EVA1A: variants seen among roughly 807,000 people sequenced by gnomAD.
EVA1A encodes protein eva-1 homolog A.
EVA1A carries 7 observed loss-of-function variants against 9.8 expected under a neutral mutation model. The ratio of observed to expected loss-of-function variants is 0.71; its 90% CI spans 0.41 to 1.34. EVA1A has a LOEUF of 1.34. EVA1A is among the 40% of genes most tolerant of loss of function. The probability of loss-of-function intolerance (pLI) is 0.01; values close to 1 mark genes in which losing one functional copy is unlikely to be tolerated. For synonymous variants in EVA1A, 90 were observed against 85.6 expected (o/e 1.05, Z -0.28); for missense variants, 206 against 205.9 (o/e 1.00, Z 0.00).
Position 75,552,285 on chromosome 2 carries a change from A to C in EVA1A, c.-192+8395T>G, listed in dbSNP as rs115916017. On this transcript the variant is annotated intron_variant, in intron 1 of 3. Coordinates refer to ENST00000393913, the MANE Select transcript of EVA1A (RefSeq NM_001135032.2). ...GCCCACTAGCCATCTCTCCCTAACT[A>C]TCTTAATATTTCAAACTCAACATAT... is the stretch of plus-strand genomic sequence containing the variant. Among the ~76,000 whole-genome samples the C allele has an allele frequency of 1.0e-3, 152 of 152,232 alleles. 2 individuals are homozygous for C. Among genetic ancestry groups the C allele is most frequent in the African/African-American group, 3.5e-3 (146 of 41,542 alleles).
chr2:75,523,323 C>A (rs1675297476), intron 1 of EVA1A, among the ~76,000 whole-genome samples: 1 of 152,202 alleles, frequency 6.6e-6, no homozygotes, highest in African/African-American at 2.4e-5. Context: ...TGTCTACAGA[C>A]TCATGTACCA....
intron 3 of EVA1A, among the ~76,000 whole-genome samples, chr2:75,497,140 G>A (rs544933881): frequency 6.6e-6 from 1 of 152,096 alleles, no homozygotes; most frequent in African/African-American, 2.4e-5. Flanking sequence ...AAGAATTTAT[G>A]ACCAAGTCTC....
At chr2:75,533,150 A>T (rs537425968) in intron 1 of EVA1A, among the ~76,000 whole-genome samples, 5 of 128,816 alleles carry the variant, frequency 3.9e-5, no homozygotes, top group Admixed American at 7.3e-5. Context: ...CCCTGTCTTT[A>T]AAAAAAAAAA....
chr2:75,555,286 T>C (rs1282920163), intron 1 of EVA1A, among the ~76,000 whole-genome samples: 4 of 146,918 alleles, frequency 2.7e-5, no homozygotes, highest in Non-Finnish European at 5.9e-5. Flanking sequence ...AAACAGACTT[T>C]AGCATCAAAA....
intron 3 of EVA1A, among the ~76,000 whole-genome samples, chr2:75,517,224 G>A (rs1675041701): frequency 1.3e-5 from 2 of 152,138 alleles, no homozygotes; most frequent in Admixed American, 6.6e-5. Context: ...AGACCACCAT[G>A]TGTCAACCCT....
intron 1 of EVA1A, among the ~76,000 whole-genome samples, chr2:75,550,204 C>T (rs757442920): frequency 1.3e-5 from 2 of 152,136 alleles, no homozygotes; most frequent in African/African-American, 2.4e-5. Flanking sequence ...GTGGTCAAAT[C>T]CTCTAGGGTC....
At position 75,512,995 on chromosome 2, in the gene EVA1A, C is replaced by A. The variant is rs191237619; in HGVS notation, c.85+5061G>T. 3.3e-5 allele frequency among the ~76,000 whole-genome samples: 5 copies of A among 152,252 alleles called. No individual in the cohort carries two copies. In the East Asian group the frequency reaches 9.6e-4, roughly 29 times the overall value. On this transcript the variant is annotated intron_variant, in intron 3 of 3. Coordinates refer to ENST00000393913, the MANE Select transcript of EVA1A (RefSeq NM_001135032.2). Reference sequence around the variant, plus strand: ...AAATGACCATGTGACACAGTCCTGGCCAATGAAATCTGAGAGGAGATCTAC... The same window carrying A: ...AAATGACCATGTGACACAGTCCTGGACAATGAAATCTGAGAGGAGATCTAC...
At chr2:75,561,639 C>T (rs1676925537), upstream of EVA1A, among the ~76,000 whole-genome samples, 1 of 151,986 alleles carries the variant, frequency 6.6e-6, no homozygotes, top group Admixed American at 6.6e-5. Context: ...AGAACAGGTC[C>T]CGGGTTGCGG....
At chr2:75,566,963 C>T (rs1315608772) in intron 1 of EVA1A, among the ~76,000 whole-genome samples, 1 of 152,040 alleles carries the variant, frequency 6.6e-6, no homozygotes, top group Non-Finnish European at 1.5e-5. Context: ...ACAAATCATC[C>T]ATACACAACA....
rs1218302073 is a variant in EVA1A at position 75,560,875 on chromosome 2, C to A, written c.-387G>T. ...CAGGGCTGGCCTGGGGATGTGGGGT[C>A]CCGGCCTGGGTGCTCACGGACGGCG... On this transcript the variant is annotated 5_prime_UTR_variant, in exon 1 of 4. Coordinates refer to ENST00000393913, the MANE Select transcript of EVA1A (RefSeq NM_001135032.2). 1 of 153,010 alleles carries A rather than the reference C, an allele frequency of 6.5e-6. No homozygotes were observed. Among genetic ancestry groups the A allele is most frequent in the African/African-American group, 2.4e-5 (1 of 41,458 alleles). 9.5% of individuals were successfully genotyped at this position (153,010 alleles called of 1,614,324 possible). A position where few individuals can be genotyped will look rare whatever the true frequency, so the allele number is the denominator to read the frequency against.
chr2:75,536,199 AT>A (rs1675889489), intron 1 of EVA1A, among the ~76,000 whole-genome samples: 1 of 152,064 alleles, frequency 6.6e-6, no homozygotes, highest in East Asian at 1.9e-4. Context: ...TTAGCCAGGC[AT>A]GGTGCACATC....
intron 1 of EVA1A, among the ~76,000 whole-genome samples, chr2:75,535,912 T>C (rs1191060685): frequency 7.9e-5 from 12 of 152,134 alleles, no homozygotes; most frequent in Admixed American, 7.2e-4. Context: ...AAAATACTTG[T>C]ACCTCTAAAG....
rs113935882 is a variant in EVA1A at position 75,493,046 on chromosome 2, T to C, written c.*190A>G. ...GACCTGGAAAGGGTGATGAACTGCT[T>C]TGATTTTTCTACTTCTCCATACATT... On this transcript the variant is annotated 3_prime_UTR_variant, in exon 4 of 4. Coordinates refer to ENST00000393913, the MANE Select transcript of EVA1A (RefSeq NM_001135032.2). The C allele has an allele frequency of 2.0e-4, 159 of 782,304 alleles. No homozygotes were observed. In the African/African-American group the frequency reaches 2.5e-3, roughly 12 times the overall value. 48.5% of individuals were successfully genotyped at this position (782,304 alleles called of 1,614,324 possible). A position where few individuals can be genotyped will look rare whatever the true frequency, so the allele number is the denominator to read the frequency against.
chr2:75,553,218 T>A (rs1676585517), intron 1 of EVA1A, among the ~76,000 whole-genome samples: 1 of 152,330 alleles, frequency 6.6e-6, no homozygotes, highest in East Asian at 1.9e-4. Context: ...ATGCATGTTG[T>A]CTTGGACTCA....
chr2:75,497,588 A>G (rs1397728175), intron 3 of EVA1A, among the ~76,000 whole-genome samples: 1 of 152,086 alleles, frequency 6.6e-6, no homozygotes, highest in East Asian at 1.9e-4. Flanking sequence ...GGTAGCTCAC[A>G]CTTATAATCT....
chr2:75,538,492 G>C (rs1230809893), intron 1 of EVA1A, among the ~76,000 whole-genome samples: 1 of 152,240 alleles, frequency 6.6e-6, no homozygotes, highest in Non-Finnish European at 1.5e-5. Flanking sequence ...ATGACAGCAT[G>C]TTGTATAAAT....
intron 3 of EVA1A, among the ~76,000 whole-genome samples, chr2:75,498,874 G>A (rs1674309815): frequency 1.3e-5 from 2 of 151,410 alleles, no homozygotes; most frequent in South Asian, 4.2e-4. Context: ...TACGCCAGAT[G>A]CTATGGGATC....
At chr2:75,524,955 A>G (rs1675370146) in intron 1 of EVA1A, among the ~76,000 whole-genome samples, 1 of 152,188 alleles carries the variant, frequency 6.6e-6, no homozygotes, top group Non-Finnish European at 1.5e-5. Flanking sequence ...ATATGTATAT[A>G]GAGTGATTAC....
chr2:75,540,709 ACT>A (rs1418046840), intron 1 of EVA1A: 2 of 152,060 alleles, frequency 1.3e-5, no homozygotes, highest in African/African-American at 2.4e-5. Context: ...ATGCTCCAAG[ACT>A]CTCTCCAACT....
Sources: allele counts gnomAD v4.1 joint callset (sites outside exome capture counted in the v4.1 genomes callset), GRCh38; gene constraint gnomAD v4.1.1; transcripts MANE v1.5; gene names NCBI Gene and HGNC (gene_info 2026-07-23, HGNC 2026-07-21).